The following SLC38A12 variants were observed in gnomAD, a reference collection of about 807,000 sequenced individuals.
The protein encoded by SLC38A12 is putative sodium-coupled neutral amino acid transporter 12.
At chr17:74,819,777 T>C in the SLC38A12 span, 2 of 1,614,216 alleles carry the variant, frequency 1.2e-6, no homozygotes, top group East Asian at 4.5e-5. Context: ...CCTCGGACCG[T>C]TCACCTTCTT....
At chr17:74,806,463 C>T in the SLC38A12 span, among the ~76,000 whole-genome samples, 1 of 152,126 alleles carries the variant, frequency 6.6e-6, no homozygotes, top group Non-Finnish European at 1.5e-5. Flanking sequence ...AGAGAGATCT[C>T]AAAAACTAAA....
the SLC38A12 span, chr17:74,838,814 C>G: frequency 2.0e-6 from 3 of 1,513,772 alleles, no homozygotes; most frequent in South Asian, 1.2e-5. Context: ...CCACGTGCAT[C>G]CGGCACGTTT....
the SLC38A12 span, chr17:74,836,490 G>A: frequency 2.0e-5 from 33 of 1,610,816 alleles, no homozygotes; most frequent in South Asian, 3.3e-5. This position sits in a 1 kb window ranked among gnomAD's most constrained non-coding sequence, Gnocchi z 4.2. Flanking sequence ...CGCGGGCACC[G>A]GCATCCAGTA....
the SLC38A12 span, among the ~76,000 whole-genome samples, chr17:74,802,231 A>G: frequency 0.012 from 1,884 of 152,250 alleles, 44 homozygotes; most frequent in African/African-American, 0.043. Context: ...GTTGACTGGC[A>G]TTATGCCCAC....
At chr17:74,785,739 G>A in the SLC38A12 span, 2 of 1,252,006 alleles carry the variant, frequency 1.6e-6, no homozygotes, top group Non-Finnish European at 2.2e-6. Flanking sequence ...GTGAGTCCTT[G>A]CCAGGGTATT....
chr17:74,824,189 G>A, the SLC38A12 span, among the ~76,000 whole-genome samples: 1 of 152,220 alleles, frequency 6.6e-6, no homozygotes, highest in Non-Finnish European at 1.5e-5. Context: ...CCACATCCCA[G>A]CTGTGGTGCG....
At chr17:74,838,646 G>T in the SLC38A12 span, 1 of 1,385,678 alleles carries the variant, frequency 7.2e-7, no homozygotes, top group Non-Finnish European at 9.4e-7. Context: ...CACTGCCGTT[G>T]TCTAGCTGCT....
the SLC38A12 span, among the ~76,000 whole-genome samples, chr17:74,834,649 G>A: frequency 6.6e-6 from 1 of 152,126 alleles, no homozygotes; most frequent in Admixed American, 6.5e-5. Flanking sequence ...GGGGCTCTGC[G>A]GGGGGCCCCA....
At chr17:74,795,748 C>T in the SLC38A12 span, 2 of 782,094 alleles carry the variant, frequency 2.6e-6, no homozygotes, top group South Asian at 3.5e-5. Flanking sequence ...ATCTACTCTT[C>T]TCCACACTCT....
At chr17:74,805,685 G>A in the SLC38A12 span, among the ~76,000 whole-genome samples, 1 of 152,242 alleles carries the variant, frequency 6.6e-6, no homozygotes, top group African/African-American at 2.4e-5. The surrounding 1 kb of genome is among the most constrained non-coding windows in gnomAD (Gnocchi z 5.0). Flanking sequence ...GGAGCCAGCT[G>A]GGCCTGTGCA....
At chr17:74,810,784 G>A in the SLC38A12 span, among the ~76,000 whole-genome samples, 2 of 152,192 alleles carry the variant, frequency 1.3e-5, no homozygotes, top group Admixed American at 1.3e-4. Flanking sequence ...CGCAGAATTC[G>A]GACGACCTCC....
chr17:74,789,917 C>G, the SLC38A12 span, among the ~76,000 whole-genome samples: 1 of 140,506 alleles, frequency 7.1e-6, no homozygotes, highest in African/African-American at 2.6e-5. Context: ...GTTCCATGCT[C>G]TTTTTTTTTC....
chr17:74,835,827 T>C, the SLC38A12 span: 1 of 1,501,124 alleles, frequency 6.7e-7, no homozygotes, highest in Non-Finnish European at 8.8e-7. Context: ...TGACTCTTTC[T>C]CACAGGGCTC....
the SLC38A12 span, among the ~76,000 whole-genome samples, chr17:74,786,723 C>T: frequency 1.7e-4 from 26 of 152,256 alleles, no homozygotes; most frequent in South Asian, 6.2e-4. Context: ...GATAGGAAAA[C>T]GCCCATGGTT....
the SLC38A12 span, among the ~76,000 whole-genome samples, chr17:74,829,762 C>T: frequency 3.5e-4 from 53 of 152,282 alleles, no homozygotes; most frequent in African/African-American, 1.3e-3. The surrounding 1 kb of genome is among the most constrained non-coding windows in gnomAD (Gnocchi z 4.1). Context: ...CACCCCTCCC[C>T]GCCCAGGCCT....
At chr17:74,832,424 C>A in the SLC38A12 span, among the ~76,000 whole-genome samples, 20 of 152,370 alleles carry the variant, frequency 1.3e-4, no homozygotes, top group Non-Finnish European at 1.8e-4. Context: ...GCTGGGTTCA[C>A]CTTCTGCCTC....
chr17:74,812,247 C>A, the SLC38A12 span, among the ~76,000 whole-genome samples: 1 of 152,006 alleles, frequency 6.6e-6, no homozygotes, highest in Non-Finnish European at 1.5e-5. Flanking sequence ...TGAAAGCTCT[C>A]GCAGTTAGAA....
the SLC38A12 span, among the ~76,000 whole-genome samples, chr17:74,821,029 C>T: frequency 6.6e-6 from 1 of 152,212 alleles, no homozygotes. Context: ...CCGCCTCGCC[C>T]CTCTGGGAGC....
At chr17:74,806,974 T>A in the SLC38A12 span, among the ~76,000 whole-genome samples, 1 of 152,154 alleles carries the variant, frequency 6.6e-6, no homozygotes, top group African/African-American at 2.4e-5. Context: ...TCAACCCTGA[T>A]TTTAGGGCAG....
Sources: allele counts gnomAD v4.1 joint callset (sites outside exome capture counted in the v4.1 genomes callset), GRCh38; gene constraint gnomAD v4.1.1; non-coding constraint Gnocchi (gnomAD v3.1); transcripts MANE v1.5; gene names NCBI Gene and HGNC (gene_info 2026-07-23, HGNC 2026-07-21).